KCNH8: variants seen among roughly 807,000 people sequenced by gnomAD.
KCNH8 encodes the protein voltage-gated delayed rectifier potassium channel KCNH8.
A neutral mutation model predicts 103.6 loss-of-function variants in KCNH8; 70 were observed. The observed-to-expected ratio is 0.68, with a 90% confidence interval of 0.56 to 0.82. The LOEUF (loss-of-function observed/expected upper bound fraction) is 0.82, where lower values mean the gene tolerates loss of function less well. Ranked by LOEUF, KCNH8 falls within the 40% of genes least tolerant of loss-of-function variation. The pLI, the probability that KCNH8 is intolerant of heterozygous loss-of-function variation, is 0.00. For synonymous variants in KCNH8, 498 were observed against 489.4 expected (o/e 1.02, Z -0.23); for missense variants, 1,217 against 1,329.9 (o/e 0.92, Z 1.32).
chr3:19,482,284 T>C (rs1352808155), intron 11 of KCNH8, among the ~76,000 whole-genome samples: 1 of 152,256 alleles, frequency 6.6e-6, no homozygotes, highest in Non-Finnish European at 1.5e-5. Context: ...CGCCGGGCTG[T>C]CTGCCTGTGG....
intron 11 of KCNH8, among the ~76,000 whole-genome samples, chr3:19,469,540 A>C (rs1289705692): frequency 1.3e-5 from 2 of 152,044 alleles, no homozygotes; most frequent in Non-Finnish European, 2.9e-5. Context: ...CCGGGGTTCA[A>C]GTGATTCTCC....
chr3:19,217,040 A>G (rs764307308), intron 1 of KCNH8, among the ~76,000 whole-genome samples: 1 of 152,212 alleles, frequency 6.6e-6, no homozygotes, highest in South Asian at 2.1e-4. Flanking sequence ...TCTGTAGAGG[A>G]TGATAGCAAG....
intron 2 of KCNH8, among the ~76,000 whole-genome samples, chr3:19,276,569 C>G (rs2064675580): frequency 6.6e-6 from 1 of 152,068 alleles, no homozygotes; most frequent in Admixed American, 6.6e-5. Flanking sequence ...ACAGCACAGT[C>G]ATTAAAGAGA....
intron 11 of KCNH8, among the ~76,000 whole-genome samples, chr3:19,496,962 T>C (rs1332876740): frequency 6.6e-6 from 1 of 152,154 alleles, no homozygotes; most frequent in Non-Finnish European, 1.5e-5. Context: ...TCTTCTAGAT[T>C]TTCTAGTTTG....
chr3:19,279,031 T>A (rs977748135), intron 2 of KCNH8, among the ~76,000 whole-genome samples: 1 of 152,168 alleles, frequency 6.6e-6, no homozygotes, highest in Admixed American at 6.6e-5. Context: ...TTGGTGATGT[T>A]CTTGCAAGGT....
intron 7 of KCNH8, among the ~76,000 whole-genome samples, chr3:19,414,578 G>A (rs2066834206): frequency 6.6e-6 from 1 of 151,804 alleles, no homozygotes; most frequent in African/African-American, 2.4e-5. Flanking sequence ...GATAAAAAAG[G>A]AAATACACAC....
intron 5 of KCNH8, 52 bp from the exon 6 acceptor site, chr3:19,390,426 CTTT>C: frequency 7.3e-7 from 1 of 1,372,392 alleles, no homozygotes; most frequent in Non-Finnish European, 1.0e-6. Context: ...TTCCTACCTT[CTTT>C]ATTCTTCTCT....
intron 11 of KCNH8, among the ~76,000 whole-genome samples, chr3:19,472,995 T>C (rs1320292687): frequency 6.6e-6 from 1 of 152,236 alleles, no homozygotes; most frequent in African/African-American, 2.4e-5. Flanking sequence ...AATTTAACTT[T>C]TAATCCTTGC....
rs376782874 is a variant in KCNH8, at chr3:19,198,472, T to C, written c.76+49677T>C. Among the ~76,000 whole-genome samples, 19 of 152,166 alleles carry C rather than the reference T, an allele frequency of 1.2e-4. No homozygotes were observed. In the East Asian group the frequency reaches 2.9e-3, roughly 23 times the overall value. ...AAGCTGGAGAAGTCACAGAGGTCCA[T>C]CCTGCCGTTTAAAAAAAAGATTTGG... On this transcript the variant is annotated intron_variant, in intron 1 of 15. Coordinates refer to ENST00000328405, the MANE Select transcript of KCNH8 (RefSeq NM_144633.3).
At chr3:19,316,986 C>G (rs2065283182) in intron 3 of KCNH8, among the ~76,000 whole-genome samples, 1 of 151,682 alleles carries the variant, frequency 6.6e-6, no homozygotes, top group Non-Finnish European at 1.5e-5. Context: ...ATCTTCTGTT[C>G]TTCTTTTTTC....
intron 11 of KCNH8, among the ~76,000 whole-genome samples, chr3:19,502,266 TAAA>T (rs1264293217): frequency 6.6e-6 from 1 of 151,434 alleles, no homozygotes; most frequent in African/African-American, 2.4e-5. Context: ...CTCAATGAAA[TAAA>T]AGAGGATACA....
rs1283695030 is a variant in KCNH8 at position 19,172,039 on chromosome 3, GCTGT to G, written c.76+23250_76+23253del. Among the ~76,000 whole-genome samples, 8 of 152,094 alleles carry G rather than the reference GCTGT, an allele frequency of 5.3e-5. No homozygotes were observed. The East Asian group carries it at 7.7e-4, about 15-fold the overall frequency. On this transcript the variant is annotated intron_variant, in intron 1 of 15. Coordinates refer to ENST00000328405, the MANE Select transcript of KCNH8 (RefSeq NM_144633.3). ...AAAGACTCCCACTGTGTAGATAGTT[GCTGT>G]CTGTCAGTGGATTTTCTCGGCAAAA...
chr3:19,485,447 G>A (rs2068184804), intron 11 of KCNH8, among the ~76,000 whole-genome samples: 1 of 152,184 alleles, frequency 6.6e-6, no homozygotes, highest in Admixed American at 6.5e-5. Context: ...CTACTGCTTT[G>A]GCAAGGGCTG....
chr3:19,176,412 A>C (rs867092042), intron 1 of KCNH8, among the ~76,000 whole-genome samples: 2 of 152,294 alleles, frequency 1.3e-5, no homozygotes, highest in Middle Eastern at 3.4e-3. Flanking sequence ...AGTTTAAGTA[A>C]GAACATTACC....
rs531443837 is a variant in KCNH8, at chr3:19,466,498, T to C, written c.2040+9516T>C. Among the ~76,000 whole-genome samples, 6 of 152,202 alleles carry C rather than the reference T, an allele frequency of 3.9e-5. No homozygotes were observed. The South Asian group carries it at 1.2e-3, about 32-fold the overall frequency. On this transcript the variant is annotated intron_variant, in intron 11 of 15. Coordinates refer to ENST00000328405, the MANE Select transcript of KCNH8 (RefSeq NM_144633.3). ...GATGTCACAAACTTCATTGTTGTTT[T>C]ATTTTCAGAAATTGCTGCAGCCACC...
At chr3:19,228,385 A>G (rs2063956037) in intron 1 of KCNH8, among the ~76,000 whole-genome samples, 1 of 152,180 alleles carries the variant, frequency 6.6e-6, no homozygotes, top group Non-Finnish European at 1.5e-5. Flanking sequence ...TCTTAGCCTC[A>G]GGGCTGTTCT....
intron 15 of KCNH8, among the ~76,000 whole-genome samples, chr3:19,524,217 C>A (rs1340599951): frequency 1.3e-5 from 2 of 151,862 alleles, no homozygotes; most frequent in Non-Finnish European, 2.9e-5. Flanking sequence ...ATTGTCAGGT[C>A]ATTCCAAGAT....
intron 11 of KCNH8, among the ~76,000 whole-genome samples, chr3:19,506,897 T>C (rs1490245014): frequency 1.3e-5 from 2 of 151,982 alleles, no homozygotes; most frequent in African/African-American, 2.4e-5. Flanking sequence ...CTGGCCTCTT[T>C]CCTTAGGGCA....
chr3:19,514,402 A>G (rs1233054953), intron 13 of KCNH8, among the ~76,000 whole-genome samples: 1 of 151,944 alleles, frequency 6.6e-6, no homozygotes, highest in Non-Finnish European at 1.5e-5. Flanking sequence ...TTTATACTAA[A>G]ATTAAACATA....
Sources: gnomAD v4.1 joint callset for allele counts (sites outside exome capture counted in the v4.1 genomes callset) on GRCh38, gnomAD v4.1.1 for gene constraint, MANE v1.5 for transcripts, NCBI Gene and HGNC (gene_info 2026-07-23, HGNC 2026-07-21) for gene names.